ATP6V1E2: variants seen among roughly 807,000 people sequenced by gnomAD.
ATP6V1E2 encodes the protein ATPase H+ transporting V1 subunit E2, also known as V-type proton ATPase subunit E 2.
For synonymous variants in ATP6V1E2, 121 were observed against 104.2 expected (o/e 1.16, Z -0.98); for missense variants, 308 against 273.3 (o/e 1.13, Z -0.90).
intron 4 of ATP6V1E2, among the ~76,000 whole-genome samples, chr2:46,526,398 G>C (rs561579556): frequency 5.9e-4 from 90 of 152,146 alleles, no homozygotes; most frequent in Non-Finnish European, 1.2e-3. Context: ...TTACAGGTGT[G>C]AACCACCACA....
chr2:46,537,025 C>G (rs2103939600), intron 2 of ATP6V1E2, among the ~76,000 whole-genome samples: 1 of 152,304 alleles, frequency 6.6e-6, no homozygotes, highest in South Asian at 2.1e-4. Context: ...TCAACTGATC[C>G]TCCCATCTCG....
Position 46,512,091 on chromosome 2 carries a change from C to T in ATP6V1E2, c.621G>A (p.Lys207=), listed in dbSNP as rs1033008022. 51 of 1,613,578 alleles carry T rather than the reference C, an allele frequency of 3.2e-5. No individual in the cohort carries two copies. The highest frequency in any genetic ancestry group is 4.3e-5 in the Non-Finnish European group (51 of 1,179,808). Residue 207 remains lysine (K), a synonymous_variant, in exon 5 of 5, where the codon AAG becomes AAA. Transcript: ENST00000522587. ...ESRLDLSAKQ[K]MPEIRMALFG... is the part of the protein sequence containing the mutation. ...ACAAGGCCATTCGTATTTCTGGCAT[C>T]TTTTGCTTGGCTGAGAGATCCAGTC...
chr2:46,524,362 A>T (rs564348779), intron 4 of ATP6V1E2, among the ~76,000 whole-genome samples: 2 of 152,232 alleles, frequency 1.3e-5, no homozygotes, highest in Non-Finnish European at 2.9e-5. Flanking sequence ...CTCAGACAAG[A>T]AAATGAGGTT....
At chr2:46,513,364 T>C (rs1336875197) in intron 4 of ATP6V1E2, among the ~76,000 whole-genome samples, 4 of 152,218 alleles carry the variant, frequency 2.6e-5, no homozygotes, top group South Asian at 2.1e-4. Flanking sequence ...GAATGTTCCA[T>C]GTGCACTTGA....
At chr2:46,524,684 G>A (rs569850631) in intron 4 of ATP6V1E2, among the ~76,000 whole-genome samples, 1 of 152,302 alleles carries the variant, frequency 6.6e-6, no homozygotes, top group Admixed American at 6.5e-5. Flanking sequence ...GTAAGGATGG[G>A]CGCTGAGAGA....
At chr2:46,536,098 C>T (rs1048719882) in intron 3 of ATP6V1E2, among the ~76,000 whole-genome samples, 171 bp from the exon 4 acceptor site, 3 of 152,178 alleles carry the variant, frequency 2.0e-5, no homozygotes, top group African/African-American at 7.2e-5. Flanking sequence ...GTGATGCCAT[C>T]AGTCACAATG....
intron 3 of ATP6V1E2, 82 bp from the exon 4 acceptor site, chr2:46,536,009 G>T (rs1351934181): frequency 6.6e-6 from 1 of 152,160 alleles, no homozygotes; most frequent in Admixed American, 6.6e-5. Context: ...TATGAGAGGA[G>T]ACCACTCCTA....
chr2:46,525,554 A>C lies in ATP6V1E2; in HGVS notation c.-102+10259T>G, dbSNP rs1346969143. Among the ~76,000 whole-genome samples, 4 of 151,156 alleles carry C rather than the reference A, an allele frequency of 2.6e-5. No individual in the cohort carries two copies. In the East Asian group the frequency reaches 7.8e-4, roughly 29 times the overall value. On this transcript the variant is annotated intron_variant, in intron 4 of 4. Coordinates refer to ENST00000522587, the MANE Select transcript of ATP6V1E2 (RefSeq NM_001318063.2). The stretch of plus-strand genomic sequence containing the variant: ...TTGGGAGAGAAGGCAAGGGCGAGAG[A>C]GTTCATTTGGTCTAGAAGTAACAGG...
chr2:46,512,368 AG>A lies in ATP6V1E2; in HGVS notation c.343del (p.Leu115CysfsTer17). 1 of 1,614,116 alleles carries A rather than the reference AG, an allele frequency of 6.2e-7. No homozygotes were observed. Among genetic ancestry groups the A allele is most frequent in the South Asian group, 1.1e-5 (1 of 91,084 alleles). ...IVEDPEVYQG[L>X]LDKLVLQGLL... Reference sequence around the variant, plus strand: ...ACCCTGGAGCACCAGTTTATCCAGCAGCCCCTGGTAGACCTCTGGGTCCTCC... The same window carrying A: ...ACCCTGGAGCACCAGTTTATCCAGCACCCCTGGTAGACCTCTGGGTCCTCC... On this transcript the variant is annotated frameshift_variant, in exon 5 of 5. Coordinates refer to ENST00000522587, the MANE Select transcript of ATP6V1E2 (RefSeq NM_001318063.2). LOFTEE classifies it low-confidence loss of function (END_TRUNC).
chr2:46,530,357 G>A lies in ATP6V1E2; in HGVS notation c.-102+5456C>T, dbSNP rs938924279. Among the ~76,000 whole-genome samples the A allele has an allele frequency of 3.3e-5, 5 of 152,178 alleles. No homozygotes were observed. Among genetic ancestry groups the A allele is most frequent in the African/African-American group, 1.2e-4 (5 of 41,456 alleles). On this transcript the variant is annotated intron_variant, in intron 4 of 4. Transcript: ENST00000522587. The surrounding 1 kb of genome is among the most constrained non-coding windows in gnomAD (Gnocchi z 5.2). ...TGCCCCCAATTCTGCCACTATCTCA[G>A]GGTAGGTCAGGCATCCACCTCTCAG...
intron 2 of ATP6V1E2, among the ~76,000 whole-genome samples, chr2:46,536,949 AT>A (rs1175897998): frequency 4.6e-5 from 7 of 151,932 alleles, no homozygotes; most frequent in Non-Finnish European, 5.9e-5. Flanking sequence ...CGCCTGGCTA[AT>A]TTTTGTATTT....
intron 4 of ATP6V1E2, among the ~76,000 whole-genome samples, chr2:46,531,002 C>CT (rs1438973777): frequency 3.3e-5 from 5 of 151,370 alleles, no homozygotes; most frequent in African/African-American, 9.7e-5. Context: ...TATTACCTGA[C>CT]TTTTTTTCTC....
chr2:46,513,277 G>C (rs555516009), intron 4 of ATP6V1E2, among the ~76,000 whole-genome samples: 10 of 152,270 alleles, frequency 6.6e-5, no homozygotes, highest in African/African-American at 2.4e-4. Flanking sequence ...CAGAGAAAAA[G>C]GAGTACTACT....
In ATP6V1E2 at chr2:46,512,656, A is replaced by G. The variant is rs781154572; in HGVS notation, c.56T>C (p.Ile19Thr). The G allele has an allele frequency of 5.0e-6, 8 of 1,614,030 alleles. No homozygotes were observed. Among genetic ancestry groups the G allele is most frequent in the South Asian group, 2.2e-5 (2 of 91,076 alleles). Residue 19 changes from isoleucine (I) to threonine (T), a missense_variant, in exon 5 of 5, where the codon ATT becomes ACT. Coordinates refer to ENST00000522587, the MANE Select transcript of ATP6V1E2 (RefSeq NM_001318063.2). ...TGCTTTCTCATTGGCTTCCTGCTCA[A>G]TGAAAGCCATCATGTGCTTAATCTG... ...KKQIKHMMAF[I>T]EQEANEKAEE...
intron 4 of ATP6V1E2, among the ~76,000 whole-genome samples, chr2:46,522,989 T>C (rs1213191991): frequency 2.6e-5 from 4 of 152,244 alleles, no homozygotes; most frequent in African/African-American, 9.6e-5. Context: ...TCTTTGAAGA[T>C]CAGTGATATT....
chr2:46,523,083 G>A (rs967274203), intron 4 of ATP6V1E2, among the ~76,000 whole-genome samples: 1 of 150,572 alleles, frequency 6.6e-6, no homozygotes, highest in African/African-American at 2.4e-5. Flanking sequence ...ACTTTTTGAT[G>A]TTTTTTTTTA....
intron 4 of ATP6V1E2, among the ~76,000 whole-genome samples, chr2:46,527,283 G>A (rs765106964): frequency 5.3e-5 from 8 of 151,860 alleles, no homozygotes; most frequent in Non-Finnish European, 1.0e-4. Flanking sequence ...GTGCAGTGGC[G>A]TGATCTCAGC....
chr2:46,518,950 C>G (rs1160896134), intron 4 of ATP6V1E2: 1 of 152,134 alleles, frequency 6.6e-6, no homozygotes, highest in Non-Finnish European at 1.5e-5. Flanking sequence ...CTTACCAGTC[C>G]CCTGCCAGGG....
chr2:46,517,126 T>A lies in ATP6V1E2; in HGVS notation c.-101-4314A>T, dbSNP rs193066495. Among the ~76,000 whole-genome samples the A allele has an allele frequency of 2.0e-5, 3 of 152,262 alleles. No homozygotes were observed. The East Asian group carries it at 5.8e-4, about 29-fold the overall frequency. Reference sequence around the variant, plus strand: ...TAATTAAAACAGTATGGTACTGGCATAAAGCTAGATATATAGACCAATGGA... The same window carrying A: ...TAATTAAAACAGTATGGTACTGGCAAAAAGCTAGATATATAGACCAATGGA... On this transcript the variant is annotated intron_variant, in intron 4 of 4. Transcript: ENST00000522587.
Sources: allele counts gnomAD v4.1 joint callset (sites outside exome capture counted in the v4.1 genomes callset), GRCh38; gene constraint gnomAD v4.1.1; non-coding constraint Gnocchi (gnomAD v3.1); transcripts MANE v1.5; gene names NCBI Gene and HGNC (gene_info 2026-07-23, HGNC 2026-07-21).